PDXDC1: variants seen among roughly 807,000 people sequenced by gnomAD.
PDXDC1 encodes the protein pyridoxal dependent decarboxylase domain containing 1, also known as pyridoxal-dependent decarboxylase domain-containing protein 1.
Under a neutral mutation model 100.1 loss-of-function variants are expected in PDXDC1, and 42 were observed. That is an observed-to-expected ratio of 0.42 (90% CI 0.33 to 0.54). The LOEUF (loss-of-function observed/expected upper bound fraction) is 0.54, where lower values mean the gene tolerates loss of function less well. PDXDC1 is among the 20% of genes least tolerant of loss of function. The pLI, the probability that PDXDC1 is intolerant of heterozygous loss-of-function variation, is 0.10. For missense variants in PDXDC1, 636 were observed against 979.2 expected (o/e 0.65, Z 4.68); for synonymous variants, 260 against 371.7 (o/e 0.70, Z 3.46).
chr16:15,094,503 AG>A (rs1487912244), intron 16 of PDXDC1: 2 of 536,944 alleles, frequency 3.7e-6, no homozygotes, highest in East Asian at 6.7e-5. Flanking sequence ...TCCCGAAGAA[AG>A]GGTGGAAACA....
intron 16 of PDXDC1, chr16:15,126,957 C>A (rs1567295973): frequency 3.6e-6 from 1 of 275,696 alleles, no homozygotes; most frequent in Non-Finnish European, 7.0e-6. Flanking sequence ...CGTGCCTGGT[C>A]CTTTTTAATG....
rs1035797295 is a variant in PDXDC1, at chr16:15,083,655, T to C, written c.1399+53599T>C. ...AAAGGAATAAAAAGGAAAACTACCA[T>C]TCTAAAAGCAAATATTGATAGACAT... On this transcript the variant is annotated intron_variant, in intron 16 of 16. Coordinates refer to the PDXDC1 transcript ENST00000535621. The C allele has an allele frequency of 3.9e-4, 616 of 1,567,358 alleles. 1 individual carries two copies. The highest frequency in any genetic ancestry group is 5.1e-4 in the Non-Finnish European group (592 of 1,153,776).
chr16:15,106,756 GAAAAAC>G lies in PDXDC1; in HGVS notation c.1400-32105_1400-32100del, dbSNP rs1209880250. On this transcript the variant is annotated intron_variant, in intron 16 of 16. Transcript: ENST00000535621. ...GGTGACACAGCAAGACTCCATCTCA[GAAAAAC>G]AAAAACAAAAACAAAAAAACTGTAC... Among the ~76,000 whole-genome samples, 5 of 81,000 alleles carry G rather than the reference GAAAAAC, an allele frequency of 6.2e-5. 1 individual carries two copies. Among genetic ancestry groups the G allele is most frequent in the African/African-American group, 1.2e-4 (4 of 34,104 alleles). 53.1% of individuals were successfully genotyped at this position (81,000 alleles called of 152,430 possible). A position where few individuals can be genotyped will look rare whatever the true frequency, so the allele number is the denominator to read the frequency against.
chr16:14,978,609 G>A (rs1421261797), intron 1 of PDXDC1, among the ~76,000 whole-genome samples: 1 of 152,278 alleles, frequency 6.6e-6, no homozygotes, highest in Non-Finnish European at 1.5e-5. Context: ...TGCCCAGGCT[G>A]GTCCCAACCT....
the PDXDC1 span, among the ~76,000 whole-genome samples, chr16:15,146,652 C>T: frequency 6.6e-6 from 1 of 152,192 alleles, no homozygotes; most frequent in African/African-American, 2.4e-5. Context: ...CCAGGCTGCA[C>T]TGGCTCCCGT....
intron 1 of PDXDC1, among the ~76,000 whole-genome samples, chr16:14,988,031 T>C (rs926625033): frequency 6.6e-6 from 1 of 152,068 alleles, no homozygotes; most frequent in African/African-American, 2.4e-5. Flanking sequence ...GTTCATTTTA[T>C]TGAGTGGAAA....
intron 5 of PDXDC1, among the ~76,000 whole-genome samples, chr16:15,005,916 C>T (rs1974152546): frequency 6.6e-6 from 1 of 152,294 alleles, no homozygotes; most frequent in Admixed American, 6.5e-5. Flanking sequence ...CTCAAAACTC[C>T]TGGTCAGGTG....
chr16:14,989,926 G>A (rs953500480), intron 1 of PDXDC1: 31 of 1,489,508 alleles, frequency 2.1e-5, no homozygotes, highest in South Asian at 1.9e-4. Context: ...GCCTCGCCGC[G>A]CTCCCGCAGG....
intron 1 of PDXDC1, among the ~76,000 whole-genome samples, chr16:14,985,583 C>T (rs1401831854): frequency 6.6e-6 from 1 of 152,286 alleles, no homozygotes; most frequent in African/African-American, 2.4e-5. Flanking sequence ...CCGCGCCTGG[C>T]CTTGCCAATT....
At chr16:15,114,133 G>T (rs1334678222) in intron 16 of PDXDC1, among the ~76,000 whole-genome samples, 2 of 150,244 alleles carry the variant, frequency 1.3e-5, no homozygotes, top group Admixed American at 1.3e-4. Context: ...CTATAAAGCA[G>T]AATAGTTTAG....
intron 1 of PDXDC1, among the ~76,000 whole-genome samples, chr16:14,979,126 G>A (rs887589509): frequency 1.2e-4 from 19 of 152,278 alleles, no homozygotes; most frequent in African/African-American, 4.3e-4. Context: ...AGTTTACATT[G>A]AGATTAAAAT....
At chr16:15,079,100 A>T (rs2045588910) in intron 16 of PDXDC1, among the ~76,000 whole-genome samples, 1 of 151,900 alleles carries the variant, frequency 6.6e-6, no homozygotes, top group Non-Finnish European at 1.5e-5. Context: ...GTGAGCCACC[A>T]CGCCCGGCCT....
the PDXDC1 span, among the ~76,000 whole-genome samples, chr16:15,148,695 G>A: frequency 1.3e-5 from 2 of 151,674 alleles, no homozygotes; most frequent in African/African-American, 4.8e-5. Context: ...TTTAAACGGG[G>A]TCCCTGTCTG....
rs189428099 is a variant in PDXDC1 at position 15,089,629 on chromosome 16, C to T, written c.1400-49250C>T. 4.9e-3 allele frequency among the ~76,000 whole-genome samples: 744 copies of T among 150,770 alleles called. 7 individuals are homozygous for T. The highest frequency in any genetic ancestry group is 0.012 in the African/African-American group (507 of 41,050). ...TCCTGGCTAACATGGTGAAACCCCA[C>T]CTCTACTAAAAATACAAAAAATTAG... is the stretch of plus-strand genomic sequence containing the variant. On this transcript the variant is annotated intron_variant, in intron 16 of 16. Coordinates refer to the PDXDC1 transcript ENST00000535621.
intron 16 of PDXDC1, among the ~76,000 whole-genome samples, chr16:15,114,927 A>ATTT (rs1317983458): frequency 7.6e-5 from 4 of 52,438 alleles, no homozygotes; most frequent in African/African-American, 1.4e-4. Context: ...AAAAAAAAAA[A>ATTT]TTTTTTTTTT....
In PDXDC1 at chr16:14,990,032, C is replaced by T. The variant is rs1159344267; in HGVS notation, c.22-7721C>T. The T allele has an allele frequency of 2.0e-5, 30 of 1,475,882 alleles. No homozygotes were observed. In the African/African-American group the frequency reaches 3.5e-4, roughly 17 times the overall value. The allele number at this position is 1,475,882 out of a possible 1,614,324, so 91.4% of individuals were successfully genotyped here. On this transcript the variant is annotated intron_variant, in intron 1 of 22. Transcript: ENST00000396410. ...AGGGAAGCAGGTGCAGGCCGCCCGC[C>T]GCCCGCTGCGCGCCGGACCCCCCAA...
chr16:15,034,436 A>G, intron 20 of PDXDC1, 21 bp from the exon 21 acceptor site: 1 of 1,613,726 alleles, frequency 6.2e-7, no homozygotes, highest in Non-Finnish European at 8.5e-7. Flanking sequence ...GGTGGCCCTG[A>G]ACTCTGGTCC....
At chr16:15,005,512 T>A (rs1245373381) in intron 5 of PDXDC1, among the ~76,000 whole-genome samples, 2 of 152,400 alleles carry the variant, frequency 1.3e-5, no homozygotes, top group Admixed American at 6.5e-5. Context: ...ACATTTATCT[T>A]GAGAGACCCT....
At chr16:15,033,589 A>ACAGCTT (rs1162628320) in intron 19 of PDXDC1, among the ~76,000 whole-genome samples, 190 bp downstream of exon 19, 11 of 152,230 alleles carry the variant, frequency 7.2e-5, no homozygotes, top group Non-Finnish European at 1.2e-4. Context: ...CCCATGCCCC[A>ACAGCTT]GTGATCTCAC....
Sources: allele counts gnomAD v4.1 joint callset (sites outside exome capture counted in the v4.1 genomes callset), GRCh38; gene constraint gnomAD v4.1.1; transcripts MANE v1.5; gene names NCBI Gene and HGNC (gene_info 2026-07-23, HGNC 2026-07-21).